FER: variants seen among roughly 807,000 people sequenced by gnomAD.
FER encodes FER tyrosine kinase, also known as tyrosine-protein kinase Fer.
FER carries 63 observed loss-of-function variants against 111.0 expected under a neutral mutation model. The ratio of observed to expected loss-of-function variants is 0.57; its 90% CI spans 0.46 to 0.70. FER has a LOEUF of 0.70. Ranked by LOEUF, FER falls within the 30% of genes least tolerant of loss-of-function variation. FER has a pLI of 0.00. For synonymous variants in FER, 327 were observed against 313.9 expected (o/e 1.04, Z -0.44); for missense variants, 914 against 954.0 (o/e 0.96, Z 0.55).
At chr5:109,095,613 G>A (rs1313885573) in intron 16 of FER, among the ~76,000 whole-genome samples, 1 of 152,028 alleles carries the variant, frequency 6.6e-6, no homozygotes, top group African/African-American at 2.4e-5. Flanking sequence ...AATCTATTCT[G>A]TGTTTCATGG....
At chr5:108,834,127 T>C (rs964494083) in intron 4 of FER, among the ~76,000 whole-genome samples, 1 of 152,178 alleles carries the variant, frequency 6.6e-6, no homozygotes, top group Non-Finnish European at 1.5e-5. Context: ...GGTAATTTGC[T>C]CTATATAATT....
chr5:108,888,581 T>G (rs969171160), intron 9 of FER, among the ~76,000 whole-genome samples: 5 of 151,876 alleles, frequency 3.3e-5, no homozygotes, highest in Non-Finnish European at 5.9e-5. Context: ...ACGTTTTAAA[T>G]TTATTTATGG....
intron 2 of FER, among the ~76,000 whole-genome samples, chr5:108,773,765 C>T (rs779737764): frequency 3.9e-5 from 6 of 151,954 alleles, no homozygotes; most frequent in Non-Finnish European, 5.9e-5. Context: ...TTTGAGGAAT[C>T]GCCACACTGT....
intron 17 of FER, among the ~76,000 whole-genome samples, chr5:109,144,963 C>A (rs947668344): frequency 6.6e-6 from 1 of 151,730 alleles, no homozygotes; most frequent in African/African-American, 2.4e-5. Flanking sequence ...TGCCACTTTT[C>A]TCCTTCAAAT....
Position 109,047,174 on chromosome 5 carries a change from T to A in FER, c.1900T>A (p.Tyr634Asn), listed in dbSNP as rs776939775. The A allele has an allele frequency of 1.9e-6, 3 of 1,603,802 alleles. No individual in the cohort carries two copies. The change falls in exon 16 of 20, where the codon TAC becomes AAC. Residue 634 changes from tyrosine to asparagine, a missense_variant. By Grantham distance (143) the Tyr-to-Asn change is moderately radical (BLOSUM62 -2). Coordinates refer to ENST00000281092, the MANE Select transcript of FER (RefSeq NM_005246.4). The part of the protein sequence containing the change: ...IGVCTQRQPV[Y>N]IIMELVSGGD... ...AGTTTGCACACAAAGACAGCCTGTCTACATCATTATGGAACTGGTTTCAGG... is the reference window on the plus strand; with the variant it reads ...AGTTTGCACACAAAGACAGCCTGTCAACATCATTATGGAACTGGTTTCAGG...
intron 10 of FER, among the ~76,000 whole-genome samples, chr5:108,939,119 A>C (rs1477765705): frequency 6.6e-6 from 1 of 152,034 alleles, no homozygotes; most frequent in Non-Finnish European, 1.5e-5. Flanking sequence ...ACTTTTGAGC[A>C]GTTGTTTTAT....
intron 17 of FER, among the ~76,000 whole-genome samples, chr5:109,171,647 G>T (rs918548452): frequency 4.6e-5 from 7 of 152,130 alleles, no homozygotes; most frequent in Non-Finnish European, 7.4e-5. Context: ...TTGTCACTCA[G>T]GCAAGTACTT....
chr5:108,928,823 G>A (rs1385309791), intron 10 of FER, among the ~76,000 whole-genome samples: 1 of 152,026 alleles, frequency 6.6e-6, no homozygotes, highest in Non-Finnish European at 1.5e-5. Flanking sequence ...AGAATGAGGA[G>A]CAGAGCAGTA....
intron 8 of FER, among the ~76,000 whole-genome samples, chr5:108,877,967 G>A (rs530161398): frequency 2.2e-4 from 33 of 151,810 alleles, no homozygotes; most frequent in Non-Finnish European, 4.4e-4. Context: ...GTGCAGTGGC[G>A]CAATCTCTGC....
chr5:108,789,613 TC>T (rs1394765650), intron 2 of FER, among the ~76,000 whole-genome samples: 6 of 147,670 alleles, frequency 4.1e-5, no homozygotes, highest in African/African-American at 1.3e-4. Context: ...TTCTTCTTCT[TC>T]TTTTTTTTTT....
intron 11 of FER, among the ~76,000 whole-genome samples, chr5:108,953,061 C>T (rs1412854886): frequency 1.3e-5 from 2 of 151,882 alleles, no homozygotes; most frequent in African/African-American, 4.8e-5. Context: ...TTAGAATTTA[C>T]TCTAATTAGA....
chr5:108,967,481 G>T (rs554535316), intron 13 of FER, among the ~76,000 whole-genome samples: 1 of 152,066 alleles, frequency 6.6e-6, no homozygotes, highest in Non-Finnish European at 1.5e-5. Flanking sequence ...CAATTATGAC[G>T]CCAGGCACGG....
chr5:108,896,008 T>C (rs1749036898), intron 9 of FER, among the ~76,000 whole-genome samples: 1 of 152,208 alleles, frequency 6.6e-6, no homozygotes, highest in Non-Finnish European at 1.5e-5. Flanking sequence ...TAGAGTATTA[T>C]TATTTTGAAG....
chr5:109,132,029 A>G (rs143731023), intron 17 of FER, among the ~76,000 whole-genome samples: 1 of 152,192 alleles, frequency 6.6e-6, no homozygotes, highest in African/African-American at 2.4e-5. Context: ...AAATGTACCT[A>G]AAGTATGTGT....
At chr5:109,146,840 C>T (rs1445737783) in intron 17 of FER, among the ~76,000 whole-genome samples, 1 of 151,930 alleles carries the variant, frequency 6.6e-6, no homozygotes, top group Admixed American at 6.6e-5. Flanking sequence ...TGCGTCATTA[C>T]CTCAGACCTG....
rs192896762 is a variant in FER, at chr5:108,856,199, T to G, written c.482-11568T>G. On this transcript the variant is annotated intron_variant, in intron 5 of 19. Transcript: ENST00000281092. ...TAAATTCAGATAAAAAGGTTAGATA[T>G]GCTGGTGAAAGCTTATGGAAGTTCT... Among the ~76,000 whole-genome samples, 465 of 152,280 alleles carry G rather than the reference T, an allele frequency of 3.1e-3. 2 individuals carry two copies. Among genetic ancestry groups the G allele is most frequent in the African/African-American group, 0.011 (441 of 41,572 alleles).
intron 17 of FER, among the ~76,000 whole-genome samples, chr5:109,104,323 C>T (rs538331072): frequency 6.6e-6 from 1 of 152,134 alleles, no homozygotes; most frequent in South Asian, 2.1e-4. Context: ...CAGGGGCTAC[C>T]AAAATGAAGA....
intron 13 of FER, among the ~76,000 whole-genome samples, chr5:109,025,696 G>A (rs1394188346): frequency 6.6e-6 from 1 of 151,688 alleles, no homozygotes; most frequent in Non-Finnish European, 1.5e-5. Context: ...CCTGTCTTGT[G>A]CCAGTTTTCA....
intron 13 of FER, among the ~76,000 whole-genome samples, chr5:109,010,287 A>G (rs1422916598): frequency 6.6e-6 from 1 of 152,020 alleles, no homozygotes; most frequent in Non-Finnish European, 1.5e-5. Flanking sequence ...CCTCCCCAGT[A>G]GCTGAGACTA....
Sources: allele counts gnomAD v4.1 joint callset (sites outside exome capture counted in the v4.1 genomes callset), GRCh38; gene constraint gnomAD v4.1.1; transcripts MANE v1.5; gene names NCBI Gene and HGNC (gene_info 2026-07-23, HGNC 2026-07-21).